COBLL1: variants seen among roughly 807,000 people sequenced by gnomAD.
COBLL1 encodes cordon-bleu protein-like 1.
COBLL1 carries 50 observed loss-of-function variants against 94.8 expected under a neutral mutation model. That is an observed-to-expected ratio of 0.53 (90% CI 0.42 to 0.67). The LOEUF (loss-of-function observed/expected upper bound fraction) is 0.67, where lower values mean the gene tolerates loss of function less well. COBLL1 is among the 30% of genes least tolerant of loss of function. COBLL1 has a pLI of 0.00. For missense variants in COBLL1, 1,362 were observed against 1,348.7 expected, an observed-to-expected ratio of 1.01 and a Z score of -0.15; for synonymous variants, 448 against 473.8, an observed-to-expected ratio of 0.95 and a Z score of 0.71.
intron 2 of COBLL1, among the ~76,000 whole-genome samples, chr2:164,821,570 T>C (rs1048598138): frequency 6.6e-6 from 1 of 152,180 alleles, no homozygotes; most frequent in African/African-American, 2.4e-5. Context: ...AAAACTATCT[T>C]CTTACACAAG....
intron 2 of COBLL1, among the ~76,000 whole-genome samples, chr2:164,821,504 C>T (rs1051271794): frequency 6.6e-6 from 1 of 152,074 alleles, no homozygotes; most frequent in African/African-American, 2.4e-5. Context: ...AGTGAGTGTT[C>T]CCAGTCTGTG....
In COBLL1 at chr2:164,758,197, T is replaced by C. The variant is rs1348261983; in HGVS notation, c.42-14322A>G. 5.9e-5 allele frequency among the ~76,000 whole-genome samples: 9 copies of C among 151,902 alleles called. 1 individual carries two copies. The highest frequency in any genetic ancestry group is 2.2e-4 in the African/African-American group (9 of 41,324). ...GTGAGCAGATTAAAGAAATACCATA[T>C]GAGGCCCTCAGATACCAATAACTTA... On this transcript the variant is annotated intron_variant, in intron 2 of 13. Transcript: ENST00000652658.
In COBLL1 at chr2:164,743,666, A is replaced by G. The variant is rs1236474270; in HGVS notation, c.230+21T>C. The G allele has an allele frequency of 1.9e-6, 3 of 1,593,294 alleles. No individual in the cohort carries two copies. The East Asian group carries it at 6.7e-5, about 36-fold the overall frequency. On this transcript the variant is annotated intron_variant, in intron 3 of 13. Transcript: ENST00000652658. ...TGGAATAAGAAGGGGAGGTCCTGAT[A>G]TTTCATTTACTCCAGCGTACCTGCC... is the stretch of plus-strand genomic sequence containing the variant.
At chr2:164,826,246 A>T in intron 2 of COBLL1, among the ~76,000 whole-genome samples, 1 of 152,208 alleles carries the variant, frequency 6.6e-6, no homozygotes, top group East Asian at 1.9e-4. Context: ...AGGGAATGTG[A>T]TTTTCATTGA....
At chr2:164,815,829 A>T (rs928496829) in intron 2 of COBLL1, among the ~76,000 whole-genome samples, 2 of 152,140 alleles carry the variant, frequency 1.3e-5, no homozygotes, top group Non-Finnish European at 2.9e-5. Flanking sequence ...GCACAAGAGA[A>T]AGGGAAGGGG....
At chr2:164,782,248 T>C (rs1688752169) in intron 2 of COBLL1, among the ~76,000 whole-genome samples, 1 of 152,180 alleles carries the variant, frequency 6.6e-6, no homozygotes, top group Non-Finnish European at 1.5e-5. Context: ...TTCTTCTTAA[T>C]TTTGTGAGTT....
At chr2:164,839,703 C>G (rs978617079) in intron 2 of COBLL1, among the ~76,000 whole-genome samples, 3 of 152,178 alleles carry the variant, frequency 2.0e-5, no homozygotes, top group African/African-American at 7.2e-5. Context: ...ATTTCGGTAT[C>G]CTGACAGCTG....
intron 2 of COBLL1, among the ~76,000 whole-genome samples, chr2:164,664,262 G>C (rs963115313): frequency 3.3e-5 from 5 of 152,158 alleles, no homozygotes; most frequent in African/African-American, 1.2e-4. Flanking sequence ...TGTCATCTAT[G>C]AAAACAAGGG....
At chr2:164,721,912 G>A in intron 7 of COBLL1, 163 bp downstream of exon 7, 1 of 487,268 alleles carries the variant, frequency 2.1e-6, no homozygotes, top group Non-Finnish European at 3.6e-6. Context: ...ACCAATCTTA[G>A]AATGAGCTAT....
rs1285780878 is a variant in COBLL1 at position 164,684,884 on chromosome 2, C to T, written c.*1062G>A. Reference sequence around the variant, plus strand: ...GAACAAAGCTTTCAGAATAAGTGAGCAATTAAATTCTTAAAGTAGGGACAG... The same window carrying T: ...GAACAAAGCTTTCAGAATAAGTGAGTAATTAAATTCTTAAAGTAGGGACAG... On this transcript the variant is annotated 3_prime_UTR_variant, in exon 14 of 14. Coordinates refer to ENST00000652658, the MANE Select transcript of COBLL1 (RefSeq NM_001365672.2). 6.6e-6 allele frequency: 1 copy of T among 151,976 alleles called. No individual in the cohort carries two copies. Among genetic ancestry groups the T allele is most frequent in the Non-Finnish European group, 1.5e-5 (1 of 67,996 alleles). The allele number at this position is 151,976 out of a possible 1,614,324, so 9.4% of individuals were successfully genotyped here.
intron 3 of COBLL1, among the ~76,000 whole-genome samples, chr2:164,741,218 G>T (rs978083241): frequency 6.6e-6 from 1 of 152,018 alleles, no homozygotes; most frequent in Admixed American, 6.6e-5. Context: ...GGAGGTTGCC[G>T]TGAGCCAAGA....
chr2:164,712,287 T>C (rs1006180147), intron 7 of COBLL1, among the ~76,000 whole-genome samples: 9 of 152,130 alleles, frequency 5.9e-5, no homozygotes, highest in Non-Finnish European at 8.8e-5. Flanking sequence ...ACTCAGGGGA[T>C]AGAAACATAG....
chr2:164,778,797 C>T (rs1360684087), intron 2 of COBLL1, among the ~76,000 whole-genome samples: 1 of 152,024 alleles, frequency 6.6e-6, no homozygotes, highest in Non-Finnish European at 1.5e-5. Flanking sequence ...TAAAAATTGC[C>T]AAGACCTGGT....
chr2:164,687,349 C>T (rs1269340925), intron 13 of COBLL1: 8 of 697,214 alleles, frequency 1.1e-5, no homozygotes, highest in Non-Finnish European at 2.1e-5. Flanking sequence ...ACCCCACAGC[C>T]ATATGAGCCA....
rs1683846412 is a variant in COBLL1 at position 164,695,088 on chromosome 2, G to A, written c.2304C>T (p.His768=). ...CAGTTTCTTTCACATTCTCATGAGT[G>A]TGCTTTTTCCCTAAAGCATGCATGT... The part of the protein sequence containing the change: ...DQDMHALGKK[H]THENVKETAI... The change falls in exon 12 of 14, where the codon CAC becomes CAT. Residue 768 remains histidine, a synonymous_variant. Transcript: ENST00000652658. 1 of 1,613,780 alleles carries A rather than the reference G, an allele frequency of 6.2e-7. No homozygotes were observed. Among genetic ancestry groups the A allele is most frequent in the Non-Finnish European group, 8.5e-7 (1 of 1,179,898 alleles).
At chr2:164,815,098 T>C (rs1684655623) in intron 2 of COBLL1, among the ~76,000 whole-genome samples, 1 of 152,036 alleles carries the variant, frequency 6.6e-6, no homozygotes. Flanking sequence ...GAAAGTGAGG[T>C]CAGAAATGCA....
At chr2:164,818,119 CATGTACATATATGTACATGTAT>C (rs1040414548) in intron 2 of COBLL1, among the ~76,000 whole-genome samples, 2 of 150,550 alleles carry the variant, frequency 1.3e-5, no homozygotes, top group African/African-American at 4.9e-5. Flanking sequence ...TACACGTGTG[CATGTACATATATGTACATGTAT>C]ATGTACATGT....
intron 7 of COBLL1, among the ~76,000 whole-genome samples, chr2:164,708,119 G>A (rs1214822538): frequency 1.3e-5 from 2 of 152,088 alleles, no homozygotes; most frequent in Admixed American, 6.6e-5. Flanking sequence ...AGGGGGGTGC[G>A]ACAAGGTGGC....
At chr2:164,696,084 C>T in intron 11 of COBLL1, 1 of 376,970 alleles carries the variant, frequency 2.7e-6, no homozygotes. Context: ...CCCCTTTGAG[C>T]CTCAGTTTGC....
Sources: gnomAD v4.1 joint callset for allele counts (sites outside exome capture counted in the v4.1 genomes callset) on GRCh38, gnomAD v4.1.1 for gene constraint, MANE v1.5 for transcripts, NCBI Gene and HGNC (gene_info 2026-07-23, HGNC 2026-07-21) for gene names.